Variants in MITF observed in about 807,000 individuals in gnomAD.
MITF encodes the protein microphthalmia-associated transcription factor.
In MITF, 17 loss-of-function variants were observed where a neutral mutation model predicts 60.5. The ratio of observed to expected loss-of-function variants is 0.28; its 90% confidence interval spans 0.19 to 0.42. The LOEUF is 0.42. Ranked by LOEUF, MITF falls within the 10% of genes least tolerant of loss-of-function variation. The pLI is 1.00. For synonymous variants in MITF, 260 were observed against 248.5 expected, an observed-to-expected ratio of 1.05 and a Z score of -0.43; for missense variants, 622 against 683.5, an observed-to-expected ratio of 0.91 and a Z score of 1.00.
At chr3:69,835,230 C>T (rs1324605869) in intron 1 of MITF, among the ~76,000 whole-genome samples, 1 of 152,034 alleles carries the variant, frequency 6.6e-6, no homozygotes, top group Non-Finnish European at 1.5e-5. Flanking sequence ...GTTGCCGAGA[C>T]TGGTCTCAAA....
At chr3:69,850,862 AG>A (rs1205641004) in intron 1 of MITF, among the ~76,000 whole-genome samples, 7 of 152,282 alleles carry the variant, frequency 4.6e-5, no homozygotes, top group Admixed American at 1.3e-4. Context: ...GTGCAGCTGT[AG>A]TTACCCCCTC....
intron 1 of MITF, among the ~76,000 whole-genome samples, chr3:69,814,318 T>A (rs2063146923): frequency 6.6e-6 from 1 of 152,114 alleles, no homozygotes; most frequent in Admixed American, 6.6e-5. Flanking sequence ...ATTCATTTAA[T>A]AAGTCTTCTC....
rs537777386 is a variant in MITF at position 69,873,978 on chromosome 3, G to A, written c.105-5156G>A. On this transcript the variant is annotated intron_variant, in intron 1 of 9. Transcript: ENST00000352241. ...TTTTGTTTTTCTCAGCTAGCCTTTT[G>A]CATTTTGAAACCCCTGTAGCTTAAC... 5.3e-5 allele frequency among the ~76,000 whole-genome samples: 8 copies of A among 152,204 alleles called. No individual in the cohort carries two copies. In the South Asian group the frequency reaches 1.0e-3, roughly 20 times the overall value.
intron 1 of MITF, chr3:69,769,894 T>C (rs1156351476): frequency 1.3e-5 from 2 of 152,222 alleles, no homozygotes; most frequent in Non-Finnish European, 2.9e-5. Context: ...TTGTTTACTA[T>C]AACTTTGTTC....
intron 1 of MITF, among the ~76,000 whole-genome samples, chr3:69,742,269 C>T (rs951737414): frequency 2.6e-5 from 4 of 152,216 alleles, no homozygotes; most frequent in South Asian, 4.2e-4. Flanking sequence ...GGGATCATTA[C>T]CCATATCTAG....
intron 5 of MITF, among the ~76,000 whole-genome samples, chr3:69,941,954 C>T (rs2065978328): frequency 6.6e-6 from 1 of 152,100 alleles, no homozygotes. Context: ...TGCAGTTATT[C>T]TGTGAGTCAA....
chr3:69,951,778 T>A, intron 6 of MITF, 34 bp from the exon 7 acceptor site: 8 of 1,570,864 alleles, frequency 5.1e-6, no homozygotes, highest in African/African-American at 1.3e-5. Flanking sequence ...CTTCAAACAG[T>A]TCCAACTTCT....
At chr3:69,770,773 G>A (rs2062381619) in intron 1 of MITF, among the ~76,000 whole-genome samples, 1 of 152,190 alleles carries the variant, frequency 6.6e-6, no homozygotes, top group African/African-American at 2.4e-5. Flanking sequence ...GTAAAGCTAG[G>A]TCCCAGGATG....
In MITF at chr3:69,966,758, T is replaced by C. The variant is rs1355068823; in HGVS notation, c.*1510T>C. 5 of 232,900 alleles carry C rather than the reference T, an allele frequency of 2.1e-5. No individual in the cohort carries two copies. The highest frequency in any genetic ancestry group is 4.4e-5 in the African/African-American group (2 of 45,324). The allele number at this position is 232,900 out of a possible 1,614,324, so 14.4% of individuals were successfully genotyped here. ...TGCCATATAGTGTTATGAGCCAGGC[T>C]GTTGAATGGAATTTCTCAGTAGCAG... On this transcript the variant is annotated 3_prime_UTR_variant, in exon 10 of 10. Coordinates refer to ENST00000352241, the MANE Select transcript of MITF (RefSeq NM_001354604.2).
chr3:69,957,718 A>G (rs1473390200), intron 8 of MITF, among the ~76,000 whole-genome samples: 1 of 152,198 alleles, frequency 6.6e-6, no homozygotes, highest in Non-Finnish European at 1.5e-5. Context: ...CTCTTTAGCA[A>G]CATATTATGA....
At chr3:69,920,606 C>T (rs1391777818) in intron 2 of MITF, among the ~76,000 whole-genome samples, 1 of 152,182 alleles carries the variant, frequency 6.6e-6, no homozygotes, top group Non-Finnish European at 1.5e-5. Flanking sequence ...AGCTGCCAGG[C>T]AGGGAAGGGC....
At position 69,966,206 on chromosome 3, in the gene MITF, A is replaced by G; in HGVS notation, c.*958A>G. 1 of 232,598 alleles carries G rather than the reference A, an allele frequency of 4.3e-6. No individual in the cohort carries two copies. Among genetic ancestry groups the G allele is most frequent in the East Asian group, 6.1e-5 (1 of 16,358 alleles). 14.4% of individuals were successfully genotyped at this position (232,598 alleles called of 1,614,324 possible). Reference sequence around the variant, plus strand: ...CTTTATTATCATTGTTCTTTTCAATATATTTGTATTAATTTGTAAGAATAT... The same window carrying G: ...CTTTATTATCATTGTTCTTTTCAATGTATTTGTATTAATTTGTAAGAATAT... On this transcript the variant is annotated 3_prime_UTR_variant, in exon 10 of 10. Transcript: ENST00000352241.
intron 1 of MITF, among the ~76,000 whole-genome samples, chr3:69,841,549 G>GT (rs2107141387): frequency 6.6e-6 from 1 of 152,282 alleles, no homozygotes; most frequent in South Asian, 2.1e-4. Flanking sequence ...GGTAAGAAAG[G>GT]TTGCAGCTGT....
intron 1 of MITF, among the ~76,000 whole-genome samples, chr3:69,834,622 C>G (rs535484022): frequency 6.6e-6 from 1 of 152,148 alleles, no homozygotes; most frequent in Admixed American, 6.5e-5. Flanking sequence ...GTAAATAGTG[C>G]TGCAATAAAC....
At chr3:69,935,796 T>G (rs2065819934) in intron 2 of MITF, among the ~76,000 whole-genome samples, 1 of 152,220 alleles carries the variant, frequency 6.6e-6, no homozygotes, top group Admixed American at 6.5e-5. Context: ...TCACAATGTA[T>G]ATTCTATGCT....
At chr3:69,928,990 G>C (rs777380399) in intron 2 of MITF, among the ~76,000 whole-genome samples, 1 of 152,302 alleles carries the variant, frequency 6.6e-6, no homozygotes, top group African/African-American at 2.4e-5. Flanking sequence ...GCTTTATCAT[G>C]TGAAGTAGGG....
intron 2 of MITF, among the ~76,000 whole-genome samples, chr3:69,907,408 T>G (rs1425362137): frequency 6.6e-6 from 1 of 152,164 alleles, no homozygotes. Context: ...TACCAGGCAT[T>G]GTTATAGGTG....
intron 1 of MITF, among the ~76,000 whole-genome samples, chr3:69,780,167 G>A (rs952234374): frequency 1.3e-5 from 2 of 152,162 alleles, no homozygotes; most frequent in African/African-American, 4.8e-5. Flanking sequence ...TGCAACTGAA[G>A]GAAAATGGGC....
At chr3:69,921,485 G>A (rs1000772316) in intron 2 of MITF, among the ~76,000 whole-genome samples, 1 of 152,096 alleles carries the variant, frequency 6.6e-6, no homozygotes, top group East Asian at 1.9e-4. Context: ...TTATTGTGTT[G>A]AATTGATCGT....
Sources: allele counts gnomAD v4.1 joint callset (sites outside exome capture counted in the v4.1 genomes callset), GRCh38; gene constraint gnomAD v4.1.1; transcripts MANE v1.5; gene names NCBI Gene and HGNC (gene_info 2026-07-23, HGNC 2026-07-21).